DOP1A: variants seen among roughly 807,000 people sequenced by gnomAD.
DOP1A encodes protein DOP1A.
Under a neutral mutation model 267.6 loss-of-function variants are expected in DOP1A, and 90 were observed. That is an observed-to-expected ratio of 0.34 (90% CI 0.28 to 0.40). DOP1A has a LOEUF of 0.40. Ranked by LOEUF, DOP1A falls within the 10% of genes least tolerant of loss-of-function variation. The pLI, the probability that DOP1A is intolerant of heterozygous loss-of-function variation, is 1.00. For missense variants in DOP1A, 2,437 were observed against 2,900.4 expected, an observed-to-expected ratio of 0.84 and a Z score of 3.67; for synonymous variants, 932 against 999.1, an observed-to-expected ratio of 0.93 and a Z score of 1.27.
At chr6:83,075,993 T>C (rs914443056) in intron 1 of DOP1A, among the ~76,000 whole-genome samples, 20 of 152,136 alleles carry the variant, frequency 1.3e-4, no homozygotes, top group African/African-American at 4.8e-4. Context: ...AATAGGATTG[T>C]ATTAATCTTA....
intron 1 of DOP1A, among the ~76,000 whole-genome samples, chr6:83,074,668 T>A (rs938762222): frequency 6.6e-6 from 1 of 152,226 alleles, no homozygotes; most frequent in African/African-American, 2.4e-5. Context: ...TAGGCTAATA[T>A]AGGTGTTCTG....
At chr6:83,115,747 A>G (rs1055768524) in intron 7 of DOP1A, among the ~76,000 whole-genome samples, 17 of 152,114 alleles carry the variant, frequency 1.1e-4, no homozygotes, top group Non-Finnish European at 2.2e-4. Context: ...AGAGAATACA[A>G]TACATTGCTA....
intron 24 of DOP1A, among the ~76,000 whole-genome samples, chr6:83,144,707 T>C (rs556919283): frequency 1.1e-4 from 16 of 152,170 alleles, no homozygotes; most frequent in African/African-American, 3.6e-4. Flanking sequence ...ATGTCTAAAA[T>C]TGAAAATAAA....
At position 83,137,752 on chromosome 6, in the gene DOP1A, C is replaced by A; in HGVS notation, c.3710C>A (p.Ser1237Tyr). The A allele has an allele frequency of 6.2e-7, 1 of 1,613,740 alleles. No homozygotes were observed. The highest frequency in any genetic ancestry group is 2.2e-5 in the East Asian group (1 of 44,866). The change falls in exon 21 of 39, where the codon TCC becomes TAC. Residue 1237 changes from serine (S) to tyrosine (Y), a missense_variant. This residue lies in a region of DOP1A where 878 missense variants were observed against 992.9 expected (regional missense o/e 0.88). Transcript: ENST00000349129. ...CVANGISRNS[S>Y]SPCISGTTHT... Reference sequence around the variant, plus strand: ...GCAAATGGAATCTCCAGGAATAGCTCCTCACCTTGTATTTCAGGAACCACA... The same window carrying A: ...GCAAATGGAATCTCCAGGAATAGCTACTCACCTTGTATTTCAGGAACCACA...
chr6:83,096,907 C>G lies in DOP1A; in HGVS notation c.-53-18C>G. Reference sequence around the variant, plus strand: ...TAATACTTTGTAACCTTGGTTCCTCCTGCAAACTCTTTTGTAGGTAATGAC... The same window carrying G: ...TAATACTTTGTAACCTTGGTTCCTCGTGCAAACTCTTTTGTAGGTAATGAC... On this transcript the variant is annotated intron_variant, in intron 2 of 38. Coordinates refer to ENST00000349129, the MANE Select transcript of DOP1A (RefSeq NM_015018.4). 1 of 1,556,642 alleles carries G rather than the reference C, an allele frequency of 6.4e-7. No homozygotes were observed. The highest frequency in any genetic ancestry group is 1.2e-5 in the South Asian group (1 of 82,592).
chr6:83,080,436 C>T (rs765723955), intron 1 of DOP1A, among the ~76,000 whole-genome samples: 1 of 152,270 alleles, frequency 6.6e-6, no homozygotes, highest in Admixed American at 6.5e-5. Flanking sequence ...ATTTTGTCCC[C>T]TCATAACTAA....
chr6:83,106,817 A>AG (rs1308243529), intron 4 of DOP1A, among the ~76,000 whole-genome samples: 8 of 151,686 alleles, frequency 5.3e-5, no homozygotes, highest in Non-Finnish European at 7.4e-5. Context: ...AAAAAAAAAA[A>AG]AGAGAGAGAG....
At chr6:83,165,793 C>A in intron 38 of DOP1A, 2 of 288,176 alleles carry the variant, frequency 6.9e-6, no homozygotes, top group South Asian at 7.1e-5. Flanking sequence ...CCAGTGTTGT[C>A]GTGAAAAGAA....
At chr6:83,079,985 T>TA (rs993546469) in intron 1 of DOP1A, among the ~76,000 whole-genome samples, 1 of 152,138 alleles carries the variant, frequency 6.6e-6, no homozygotes, top group African/African-American at 2.4e-5. Context: ...CTGCTGTATA[T>TA]AAAAAATAAG....
intron 7 of DOP1A, among the ~76,000 whole-genome samples, chr6:83,116,935 C>T (rs1160161396): frequency 6.6e-6 from 1 of 152,122 alleles, no homozygotes; most frequent in Non-Finnish European, 1.5e-5. Context: ...ATGTCAGGCT[C>T]ACTTTGAGGA....
chr6:83,162,079 G>GT (rs563662627), intron 37 of DOP1A, among the ~76,000 whole-genome samples: 4 of 152,058 alleles, frequency 2.6e-5, no homozygotes, highest in East Asian at 1.9e-4. Flanking sequence ...CAGCAATCAT[G>GT]TTTTTTTAAA....
At chr6:83,134,339 T>C (rs759634591) in intron 19 of DOP1A, 52 bp downstream of exon 19, 2 of 1,493,084 alleles carry the variant, frequency 1.3e-6, no homozygotes, top group Non-Finnish European at 1.8e-6. Flanking sequence ...TAATGTTGCC[T>C]CTTTCCTTGA....
chr6:83,097,173 C>T (rs1375949428), intron 3 of DOP1A, 58 bp downstream of exon 3: 1 of 1,543,934 alleles, frequency 6.5e-7, no homozygotes, highest in African/African-American at 1.4e-5. Flanking sequence ...TGTGTTTGTA[C>T]TTGTTAGATT....
chr6:83,166,060 CT>C (rs1381403838), intron 38 of DOP1A: 3 of 301,398 alleles, frequency 1.0e-5, no homozygotes, highest in Non-Finnish European at 1.9e-5. Flanking sequence ...TAAAATCCAC[CT>C]TTTGGCACAC....
chr6:83,169,394 A>G, downstream of DOP1A: 2 of 1,570,352 alleles, frequency 1.3e-6, no homozygotes, highest in African/African-American at 2.7e-5. Flanking sequence ...AGACCATGTT[A>G]CTTGGAACTC....
chr6:83,079,388 T>C (rs868035322), intron 1 of DOP1A, among the ~76,000 whole-genome samples: 3 of 151,894 alleles, frequency 2.0e-5, no homozygotes, highest in Non-Finnish European at 2.9e-5. Flanking sequence ...TTCCATGGGA[T>C]TTTTTTTAAT....
At chr6:83,124,951 T>C in intron 13 of DOP1A, 132 bp downstream of exon 13, 1 of 894,988 alleles carries the variant, frequency 1.1e-6, no homozygotes. Flanking sequence ...GGTAAGCTTT[T>C]TTCATAAGAT....
intron 38 of DOP1A, among the ~76,000 whole-genome samples, chr6:83,164,096 G>T (rs959553689): frequency 5.4e-5 from 8 of 147,146 alleles, no homozygotes; most frequent in Non-Finnish European, 1.0e-4. Context: ...TGTCTGGTGA[G>T]ATCTAGTATG....
rs1160595646 is a variant in DOP1A at position 83,153,597 on chromosome 6, T to G, written c.6216T>G (p.Val2072=). The G allele has an allele frequency of 1.2e-6, 2 of 1,604,114 alleles. No homozygotes were observed. The highest frequency in any genetic ancestry group is 8.5e-7 in the Non-Finnish European group (1 of 1,175,836). ...TACTTGTAAATATTATGCATTATGT[T>G]GTGCCCTACCTCAGAAATCACAGGT... The part of the protein sequence containing the change: ...IPLLVNIMHY[V]VPYLRNHSAH... The change falls in exon 31 of 39, where the codon GTT becomes GTG. Residue 2072 remains valine (V), a synonymous_variant. Transcript: ENST00000349129.
Sources: gnomAD v4.1 joint callset for allele counts (sites outside exome capture counted in the v4.1 genomes callset) on GRCh38, gnomAD v4.1.1 for gene constraint, gnomAD v4.1.1 regional missense constraint, MANE v1.5 for transcripts, NCBI Gene and HGNC (gene_info 2026-07-23, HGNC 2026-07-21) for gene names.